USP24: variants seen among roughly 807,000 people sequenced by gnomAD.
USP24 encodes the protein ubiquitin carboxyl-terminal hydrolase 24.
Under a neutral mutation model 361.6 loss-of-function variants are expected in USP24, and 97 were observed. The ratio of observed to expected loss-of-function variants is 0.27; its 90% CI spans 0.23 to 0.32. The LOEUF (loss-of-function observed/expected upper bound fraction) is 0.32, where lower values mean the gene tolerates loss of function less well. USP24 is among the 10% of genes least tolerant of loss of function. The probability of loss-of-function intolerance (pLI) is 1.00; values close to 1 mark genes in which losing one functional copy is unlikely to be tolerated. For missense variants in USP24, 2,353 were observed against 3,165.6 expected (o/e 0.74, Z 6.16); for synonymous variants, 1,098 against 1,124.6 (o/e 0.98, Z 0.47).
Position 55,206,363 on chromosome 1 carries a change from A to T in USP24, c.324+8427T>A, listed in dbSNP as rs149785756. Among the ~76,000 whole-genome samples, 37 of 152,310 alleles carry T rather than the reference A, an allele frequency of 2.4e-4. No individual in the cohort carries two copies. The East Asian group carries it at 7.1e-3, about 29-fold the overall frequency. On this transcript the variant is annotated intron_variant, in intron 1 of 67. Coordinates refer to ENST00000294383, the MANE Select transcript of USP24 (RefSeq NM_015306.3). ...TGTAAGACAAGTGTTCCGTACAGAG[A>T]AGTGGCAATTGAGCTAACCTTGAAG...
rs1416682090 is a variant in USP24 at position 55,097,929 on chromosome 1, G to C, written c.5595+14C>G. ...CAAATTAATCTTGTTTTTTAAAAAG[G>C]GCAAACATAATACCTTTTCTTTACA... On this transcript the variant is annotated intron_variant, in intron 47 of 67. Transcript: ENST00000294383. 2.2e-5 allele frequency: 35 copies of C among 1,579,750 alleles called. No individual in the cohort carries two copies. The highest frequency in any genetic ancestry group is 3.0e-5 in the Non-Finnish European group (35 of 1,168,026).
Position 55,121,703 on chromosome 1 carries a change from T to C in USP24, c.4277-197A>G, listed in dbSNP as rs1429634159. 2.6e-5 allele frequency among the ~76,000 whole-genome samples: 4 copies of C among 152,246 alleles called. No homozygotes were observed. In the East Asian group the frequency reaches 7.7e-4, roughly 29 times the overall value. The stretch of plus-strand genomic sequence containing the variant: ...CTAAGTTGTTCAAGAGAAGAAACCA[T>C]GTCTTATTTTTGTGCTCTATATTTT... On this transcript the variant is annotated intron_variant, in intron 36 of 67. Coordinates refer to ENST00000294383, the MANE Select transcript of USP24 (RefSeq NM_015306.3).
chr1:55,098,592 G>A, intron 45 of USP24, 34 bp from the exon 46 acceptor site: 1 of 1,473,234 alleles, frequency 6.8e-7, no homozygotes. Flanking sequence ...TTTAAGTGAT[G>A]CCTCCTGAAC....
intron 38 of USP24, among the ~76,000 whole-genome samples, chr1:55,113,278 C>T (rs7513895): frequency 0.017 from 2,541 of 152,220 alleles, 63 homozygotes; most frequent in African/African-American, 0.058. Flanking sequence ...ACTAGAAAAT[C>T]TGTAAGAAAT....
chr1:55,089,776 A>C, intron 54 of USP24, 36 bp from the exon 55 acceptor site: 2 of 1,472,496 alleles, frequency 1.4e-6, no homozygotes, highest in Non-Finnish European at 1.9e-6. Flanking sequence ...TGTTAGGAGC[A>C]TAAGCCCAGC....
chr1:55,150,853 A>G (rs1053858557), intron 16 of USP24, among the ~76,000 whole-genome samples: 1 of 152,236 alleles, frequency 6.6e-6, no homozygotes, highest in African/African-American at 2.4e-5. Context: ...AATTACAATG[A>G]AGATATCTGA....
rs888649616 is a variant in USP24, at chr1:55,157,067, T to G, written c.1343-16A>C. The G allele has an allele frequency of 1.9e-6, 3 of 1,600,412 alleles. No individual in the cohort carries two copies. In the African/African-American group the frequency reaches 4.0e-5, roughly 22 times the overall value. ...TCTATGTTGCCTAATTGAAGAAACA[T>G]GAGAGAGAAAGTCAGATATAGTGAA... is the stretch of plus-strand genomic sequence containing the variant. On this transcript the variant is annotated splice_polypyrimidine_tract_variant and intron_variant, in intron 11 of 67. Coordinates refer to ENST00000294383, the MANE Select transcript of USP24 (RefSeq NM_015306.3).
intron 31 of USP24, among the ~76,000 whole-genome samples, chr1:55,131,322 A>C (rs1646584880): frequency 6.6e-6 from 1 of 152,324 alleles, no homozygotes; most frequent in Middle Eastern, 3.4e-3. Flanking sequence ...AATGTAAAAT[A>C]TAATCTAAAT....
chr1:55,148,317 T>C (rs1030845935), intron 17 of USP24, 146 bp downstream of exon 17: 58 of 561,534 alleles, frequency 1.0e-4, no homozygotes, highest in Non-Finnish European at 1.6e-4. Flanking sequence ...AGAATGATGC[T>C]TAAACTCAAG....
chr1:55,127,429 G>A (rs1646465248), intron 32 of USP24, among the ~76,000 whole-genome samples: 1 of 152,256 alleles, frequency 6.6e-6, no homozygotes, highest in African/African-American at 2.4e-5. Flanking sequence ...AGTATTCCAT[G>A]GTGTATATGT....
intron 40 of USP24, 28 bp downstream of exon 40, chr1:55,107,211 C>T (rs748334925): frequency 6.3e-7 from 1 of 1,592,198 alleles, no homozygotes; most frequent in South Asian, 1.2e-5. Context: ...GAAGAATCTG[C>T]CATGTGATAA....
rs769539221 is a variant in USP24 at position 55,154,140 on chromosome 1, C to T, written c.1791G>A (p.Lys597=). Residue 597 remains lysine (K), a synonymous_variant, in exon 15 of 68, where the codon AAG becomes AAA. Transcript: ENST00000294383. ...KEAIKRSYII[K]CIEDIKRPGE... is the part of the protein sequence containing the mutation. ...CAACCCTCTTAATATCTTCTATGCA[C>T]TTGATGATGTAGCTCCTCTTGATTG... 2 of 1,613,570 alleles carry T rather than the reference C, an allele frequency of 1.2e-6. No individual in the cohort carries two copies. The highest frequency in any genetic ancestry group is 2.2e-5 in the East Asian group (1 of 44,870).
At position 55,157,389 on chromosome 1, in the gene USP24, T is replaced by A; in HGVS notation, c.1228-19A>T. The A allele has an allele frequency of 7.4e-7, 1 of 1,355,998 alleles. No homozygotes were observed. The highest frequency in any genetic ancestry group is 1.0e-6 in the Non-Finnish European group (1 of 973,472). 84.0% of individuals were successfully genotyped at this position (1,355,998 alleles called of 1,614,324 possible). ...TGGTTACCTAAAAAGATAAGATTAT[T>A]GTGACTGAGTCTAATATACATTATC... On this transcript the variant is annotated intron_variant, in intron 10 of 67. Transcript: ENST00000294383.
At chr1:55,098,681 G>A (rs867365621) in intron 45 of USP24, 123 bp from the exon 46 acceptor site, 1 of 711,208 alleles carries the variant, frequency 1.4e-6, no homozygotes, top group Non-Finnish European at 2.5e-6. Context: ...AGTATCAGCT[G>A]TGGTGAATGG....
At chr1:55,166,074 A>G in intron 6 of USP24, 124 bp from the exon 7 acceptor site, 2 of 727,930 alleles carry the variant, frequency 2.7e-6, no homozygotes, top group Non-Finnish European at 4.1e-6. Context: ...TGATACAGGC[A>G]TACAATGTGA....
intron 67 of USP24, among the ~76,000 whole-genome samples, chr1:55,069,664 A>C (rs767554832): frequency 2.0e-5 from 3 of 151,876 alleles, no homozygotes; most frequent in Non-Finnish European, 2.9e-5. Flanking sequence ...GTTGGGGGTG[A>C]GTAGGGGGGC....
intron 38 of USP24, among the ~76,000 whole-genome samples, chr1:55,117,220 T>A (rs1646139700): frequency 6.6e-6 from 1 of 152,138 alleles, no homozygotes; most frequent in African/African-American, 2.4e-5. Context: ...AACTCACAGC[T>A]AACATACTCA....
At chr1:55,137,472 C>T in intron 28 of USP24, 43 bp downstream of exon 28, 2 of 1,587,206 alleles carry the variant, frequency 1.3e-6, no homozygotes, top group Non-Finnish European at 1.7e-6. Context: ...AAGACAGTGA[C>T]TGTTAAGTTC....
rs1443934009 is a variant in USP24, at chr1:55,107,433, A to T, written c.4571-3T>A. The T allele has an allele frequency of 6.4e-7, 1 of 1,571,102 alleles. No individual in the cohort carries two copies. The highest frequency in any genetic ancestry group is 8.6e-7 in the Non-Finnish European group (1 of 1,162,834). ...CCTTAACTGCTCCATTTCTGAAGCTAAGAAGGAAAAAAAAAATCCATTACA... is the reference window on the plus strand; with the variant it reads ...CCTTAACTGCTCCATTTCTGAAGCTTAGAAGGAAAAAAAAAATCCATTACA... On this transcript the variant is annotated splice_region_variant and splice_polypyrimidine_tract_variant and intron_variant, in intron 39 of 67. Transcript: ENST00000294383.
Sources: allele counts gnomAD v4.1 joint callset (sites outside exome capture counted in the v4.1 genomes callset), GRCh38; gene constraint gnomAD v4.1.1; transcripts MANE v1.5; gene names NCBI Gene and HGNC (gene_info 2026-07-23, HGNC 2026-07-21).